The following PRRC2C variants were observed in gnomAD, a reference collection of about 807,000 sequenced individuals.
PRRC2C encodes the protein proline rich coiled-coil 2C.
A neutral mutation model predicts 317.2 loss-of-function variants in PRRC2C; 72 were observed. That is an observed-to-expected ratio of 0.23 (90% CI 0.19 to 0.28). The LOEUF (loss-of-function observed/expected upper bound fraction) is 0.28. Ranked by LOEUF, PRRC2C falls within the 10% of genes least tolerant of loss-of-function variation. The pLI, the probability that PRRC2C is intolerant of heterozygous loss-of-function variation, is 1.00. For missense variants in PRRC2C, 3,074 were observed against 3,459.7 expected (o/e 0.89, Z 2.80); for synonymous variants, 1,296 against 1,205.9 (o/e 1.07, Z -1.55).
At position 171,555,768 on chromosome 1, in the gene PRRC2C, G is replaced by A. The variant is rs1259323728; in HGVS notation, c.5128-1472G>A. Among the ~76,000 whole-genome samples, 4 of 152,138 alleles carry A rather than the reference G, an allele frequency of 2.6e-5. No individual in the cohort carries two copies. In the East Asian group the frequency reaches 7.7e-4, roughly 29 times the overall value. On this transcript the variant is annotated intron_variant, in intron 18 of 34. Transcript: ENST00000647382. ...GAATTTGCTGGAGGTCCACTGCCTG[G>A]GTATCACCAGCAGAGGCTGCAGAAC... is the stretch of plus-strand genomic sequence containing the variant.
Position 171,571,406 on chromosome 1 carries a change from C to G in PRRC2C, c.6738C>G (p.Phe2246Leu). Residue 2246 changes from phenylalanine (F) to leucine (L), a missense_variant, in exon 24 of 35, where the codon TTC becomes TTG. Phe to Leu is a conservative substitution (Grantham distance 22). Coordinates refer to ENST00000647382, the MANE Select transcript of PRRC2C (RefSeq NM_001387844.1). Reference protein sequence around the residue: ...SSLTSVPPTTFSLTFKMESAR... With the variant: ...SSLTSVPPTTLSLTFKMESAR... ...TAACTTCAGTTCCTCCCACTACTTT[C>G]AGCCTCACCTTCAAGGTATGTACAA... 6.2e-7 allele frequency: 1 copy of G among 1,600,626 alleles called. No individual in the cohort carries two copies. Among genetic ancestry groups the G allele is most frequent in the South Asian group, 1.1e-5 (1 of 90,786 alleles).
chr1:171,513,262 C>A, intron 3 of PRRC2C, 90 bp downstream of exon 3: 2 of 1,294,050 alleles, frequency 1.5e-6, no homozygotes, highest in Non-Finnish European at 1.1e-6. Flanking sequence ...AAGTGTTATG[C>A]TGTCTGTATT....
intron 18 of PRRC2C, among the ~76,000 whole-genome samples, 175 bp from the exon 19 acceptor site, chr1:171,557,065 T>A (rs1237431504): frequency 1.3e-5 from 2 of 152,244 alleles, no homozygotes; most frequent in East Asian, 1.9e-4. Flanking sequence ...TGTCTCAATA[T>A]CATTTTGGCT....
At chr1:171,591,459 T>C in intron 34 of PRRC2C, 128 bp from the exon 35 acceptor site, 1 of 1,114,052 alleles carries the variant, frequency 9.0e-7, no homozygotes, top group South Asian at 1.7e-5. Context: ...AATGAGGTAC[T>C]TTTGGCTTTG....
At chr1:171,494,635 A>G (rs1667770576) in intron 1 of PRRC2C, among the ~76,000 whole-genome samples, 1 of 152,148 alleles carries the variant, frequency 6.6e-6, no homozygotes, top group African/African-American at 2.4e-5. Context: ...TTAGTAGGTT[A>G]CTACAGTCAC....
chr1:171,515,679 T>C, intron 4 of PRRC2C, 55 bp from the exon 5 acceptor site: 1 of 1,386,362 alleles, frequency 7.2e-7, no homozygotes. Flanking sequence ...GAGGGTGGTT[T>C]GTATTATCTT....
Position 171,524,979 on chromosome 1 carries a change from A to C in PRRC2C, c.1200+14A>C. 4.5e-6 allele frequency: 7 copies of C among 1,569,560 alleles called. No individual in the cohort carries two copies. The highest frequency in any genetic ancestry group is 4.3e-6 in the Non-Finnish European group (5 of 1,155,332). Reference sequence around the variant, plus strand: ...TCATTTAATCAGGTTTGTTGGACTCATGGAGATCCTTGTTATTGCAAGGAT... The same window carrying C: ...TCATTTAATCAGGTTTGTTGGACTCCTGGAGATCCTTGTTATTGCAAGGAT... On this transcript the variant is annotated intron_variant, in intron 10 of 34. Coordinates refer to ENST00000647382, the MANE Select transcript of PRRC2C (RefSeq NM_001387844.1).
chr1:171,543,063 G>A (rs1394774013), intron 16 of PRRC2C, among the ~76,000 whole-genome samples: 1 of 150,398 alleles, frequency 6.6e-6, no homozygotes, highest in Non-Finnish European at 1.5e-5. Context: ...CCTGTTGCTT[G>A]GCCTGTTTTT....
intron 20 of PRRC2C, among the ~76,000 whole-genome samples, chr1:171,561,901 C>T (rs978299418): frequency 2.0e-5 from 3 of 152,108 alleles, no homozygotes; most frequent in Admixed American, 6.5e-5. Context: ...TCACAGTATT[C>T]TAGGTAGTGT....
chr1:171,591,791 G>A lies in PRRC2C; in HGVS notation c.8641G>A (p.Val2881Ile), dbSNP rs200128462. The change falls in exon 35 of 35, where the codon GTT becomes ATT. Residue 2881 changes from valine to isoleucine, a missense_variant. Physicochemically the swap from Val to Ile is conservative, Grantham distance 29. Around this residue, in one of 11 missense-constraint regions of PRRC2C, gnomAD observed 78 missense variants for 97.7 expected, o/e 0.80. Transcript: ENST00000647382. ...TGCACCCTCCATAGCCACCAAACCT[G>A]TTAGAACTGGACCAATCAAACCTCA... The part of the protein sequence containing the change: ...PPAPSIATKP[V>I]RTGPIKPQAI... The A allele has an allele frequency of 2.4e-4, 371 of 1,542,774 alleles. No homozygotes were observed. Among genetic ancestry groups the A allele is most frequent in the East Asian group, 5.2e-5 (2 of 38,698 alleles).
intron 1 of PRRC2C, among the ~76,000 whole-genome samples, chr1:171,507,884 A>T (rs536654812): frequency 6.6e-6 from 1 of 152,310 alleles, no homozygotes; most frequent in South Asian, 2.1e-4. Flanking sequence ...GATTACTCCT[A>T]AGAACTTTAT....
At chr1:171,517,503 C>T (rs1672604901) in intron 5 of PRRC2C, 88 bp from the exon 6 acceptor site, 6 of 1,225,250 alleles carry the variant, frequency 4.9e-6, no homozygotes, top group Non-Finnish European at 6.9e-6. Flanking sequence ...TGCTTACTTG[C>T]TTTCATTTTC....
intron 19 of PRRC2C, 42 bp downstream of exon 19, chr1:171,558,185 G>A (rs990189378): frequency 2.0e-6 from 3 of 1,533,662 alleles, no homozygotes; most frequent in African/African-American, 1.4e-5. Context: ...AATGGCATAG[G>A]AATACTGAGG....
chr1:171,552,896 T>A (rs555576915), intron 18 of PRRC2C, among the ~76,000 whole-genome samples: 1 of 152,346 alleles, frequency 6.6e-6, no homozygotes, highest in East Asian at 1.9e-4. Flanking sequence ...TGCATCAATG[T>A]TCATCAGGGA....
At position 171,542,068 on chromosome 1, in the gene PRRC2C, A is replaced by C. The variant is rs751335965; in HGVS notation, c.4602A>C (p.Leu1534=). Residue 1534 remains leucine (L), a synonymous_variant, in exon 16 of 35, where the codon CTA becomes CTC. Transcript: ENST00000647382. Reference sequence around the variant, plus strand: ...TTGTAAAGGTTGGAGAGAATGTTCTACCTCCAAAGAGGGAAATTGCAAAGA... The same window carrying C: ...TTGTAAAGGTTGGAGAGAATGTTCTCCCTCCAAAGAGGGAAATTGCAAAGA... ...QTVVKVGENV[L]PPKREIAKRS... The C allele has an allele frequency of 8.1e-6, 13 of 1,613,824 alleles. No individual in the cohort carries two copies. The Admixed American group carries it at 1.2e-4, about 14-fold the overall frequency.
chr1:171,591,389 T>TTTAAA, intron 34 of PRRC2C, 198 bp from the exon 35 acceptor site: 3 of 594,940 alleles, frequency 5.0e-6, no homozygotes, highest in Non-Finnish European at 7.4e-6. Context: ...TTTTTTTTTT[T>TTTAAA]AAATCACATG....
chr1:171,527,773 C>G lies in PRRC2C; in HGVS notation c.1201-18C>G, dbSNP rs764254214. On this transcript the variant is annotated intron_variant, in intron 10 of 34. Transcript: ENST00000647382. ...TGTCTCCAAAATAATAAGAATAATT[C>G]TTTCTTCTTTATAATAGGAACGTGG... 1 of 1,549,336 alleles carries G rather than the reference C, an allele frequency of 6.5e-7. No individual in the cohort carries two copies. The highest frequency in any genetic ancestry group is 1.2e-5 in the South Asian group (1 of 84,326).
At chr1:171,553,422 T>A (rs1397288857) in intron 18 of PRRC2C, among the ~76,000 whole-genome samples, 1 of 152,098 alleles carries the variant, frequency 6.6e-6, no homozygotes, top group Non-Finnish European at 1.5e-5. Context: ...GCTCCTAGAT[T>A]CATTGATTTT....
chr1:171,494,856 C>T (rs146156076), intron 1 of PRRC2C, among the ~76,000 whole-genome samples: 1 of 151,960 alleles, frequency 6.6e-6, no homozygotes, highest in African/African-American at 2.4e-5. Flanking sequence ...AGCTCTGGGC[C>T]TGGGGTCTCA....
Sources: gnomAD v4.1 joint callset for allele counts (sites outside exome capture counted in the v4.1 genomes callset) on GRCh38, gnomAD v4.1.1 for gene constraint, gnomAD v4.1.1 regional missense constraint, MANE v1.5 for transcripts, NCBI Gene and HGNC (gene_info 2026-07-23, HGNC 2026-07-21) for gene names.